KAZN: variants seen among roughly 807,000 people sequenced by gnomAD.
KAZN encodes the protein kazrin, periplakin interacting protein.
KAZN carries 40 observed loss-of-function variants against 87.4 expected under a neutral mutation model. The ratio of observed to expected loss-of-function variants is 0.46; its 90% CI spans 0.36 to 0.60. KAZN has a LOEUF of 0.60. KAZN is among the 20% of genes least tolerant of loss of function. The pLI is 0.00. For synonymous variants in KAZN, 466 were observed against 458.3 expected (o/e 1.02, Z -0.22); for missense variants, 898 against 1,073.9 (o/e 0.84, Z 2.29).
intron 1 of KAZN, among the ~76,000 whole-genome samples, chr1:14,872,869 T>C (rs933222330): frequency 1.3e-5 from 2 of 151,700 alleles, no homozygotes; most frequent in African/African-American, 4.8e-5. Flanking sequence ...GATGAATAGA[T>C]GGGTGGATGG....
At chr1:14,966,388 T>G (rs1054454697) in intron 2 of KAZN, among the ~76,000 whole-genome samples, 3 of 152,230 alleles carry the variant, frequency 2.0e-5, no homozygotes, top group Admixed American at 2.0e-4. Context: ...GGTGTCTGGC[T>G]TCATAGCAGA....
intron 1 of KAZN, among the ~76,000 whole-genome samples, chr1:14,713,045 C>T (rs1189457415): frequency 2.0e-5 from 3 of 152,142 alleles, no homozygotes; most frequent in Non-Finnish European, 4.4e-5. Flanking sequence ...ACACAATGCT[C>T]CTATGTCTGG....
chr1:14,011,880 C>T (rs987531924), intron 1 of KAZN, among the ~76,000 whole-genome samples: 5 of 152,144 alleles, frequency 3.3e-5, no homozygotes, highest in East Asian at 1.9e-4. Context: ...GATGTTCTCA[C>T]GATTACCTTG....
intron 1 of KAZN, among the ~76,000 whole-genome samples, chr1:14,839,612 G>C (rs1477754112): frequency 6.6e-6 from 1 of 152,120 alleles, no homozygotes; most frequent in South Asian, 2.1e-4. Context: ...TTGGTGCAGA[G>C]CTCATAATCT....
At chr1:14,332,286 T>G (rs1656909416) in intron 2 of KAZN, among the ~76,000 whole-genome samples, 2 of 152,158 alleles carry the variant, frequency 1.3e-5, no homozygotes, top group Admixed American at 1.3e-4. Context: ...GCAGAGTGTA[T>G]TCTCAGTATC....
chr1:14,157,715 C>T (rs1042759718), intron 1 of KAZN, among the ~76,000 whole-genome samples: 15 of 152,148 alleles, frequency 9.9e-5, no homozygotes, highest in Middle Eastern at 3.4e-3. Flanking sequence ...GTGTATTAGT[C>T]CATTTTCCCA....
At chr1:14,535,094 C>T (rs1672411414) in intron 2 of KAZN, among the ~76,000 whole-genome samples, 1 of 152,170 alleles carries the variant, frequency 6.6e-6, no homozygotes, top group Non-Finnish European at 1.5e-5. Flanking sequence ...CTTCCCATTG[C>T]TTGACTGGCC....
At position 14,820,345 on chromosome 1, in the gene KAZN, G is replaced by A. The variant is rs71629899; in HGVS notation, c.227-140339G>A. Among the ~76,000 whole-genome samples, 21 of 152,202 alleles carry A rather than the reference G, an allele frequency of 1.4e-4. No individual in the cohort carries two copies. The highest frequency in any genetic ancestry group is 2.8e-4 in the Non-Finnish European group (19 of 68,040). On this transcript the variant is annotated intron_variant, in intron 1 of 14. Transcript: ENST00000376030. This position sits in a 1 kb window ranked among gnomAD's most constrained non-coding sequence, Gnocchi z 4.1. ...TAGCCAAGTCATTGCCTCTGTTCCC[G>A]GAGCCATCTGCCAATTTCAAGTGCC...
chr1:13,928,647 T>C (rs1640376187), intron 1 of KAZN, among the ~76,000 whole-genome samples: 1 of 152,194 alleles, frequency 6.6e-6, no homozygotes, highest in East Asian at 1.9e-4. Context: ...ATTTTTGTCC[T>C]GAATAAAATA....
At chr1:14,679,110 A>G (rs972274766) in intron 1 of KAZN, among the ~76,000 whole-genome samples, 2 of 152,214 alleles carry the variant, frequency 1.3e-5, no homozygotes, top group African/African-American at 2.4e-5. Context: ...TTATTCGGGT[A>G]TGGTGAAGTC....
intron 1 of KAZN, among the ~76,000 whole-genome samples, chr1:14,020,422 C>G (rs1640770447): frequency 6.6e-6 from 1 of 152,160 alleles, no homozygotes; most frequent in Non-Finnish European, 1.5e-5. Flanking sequence ...CACTTCACCC[C>G]CATCCCTAGA....
intron 1 of KAZN, among the ~76,000 whole-genome samples, chr1:13,934,523 C>T (rs1570321613): frequency 6.6e-6 from 1 of 152,140 alleles, no homozygotes; most frequent in Non-Finnish European, 1.5e-5. Context: ...TTCACTGATA[C>T]CCAAGAAGAG....
chr1:14,491,325 T>G (rs976042484), intron 2 of KAZN, among the ~76,000 whole-genome samples: 1 of 152,230 alleles, frequency 6.6e-6, no homozygotes, highest in South Asian at 2.1e-4. Context: ...TGTTATACTT[T>G]AAGTTCTAGG....
chr1:14,172,242 A>G lies in KAZN; in HGVS notation c.92-8193A>G, dbSNP rs916079268. On this transcript the variant is annotated intron_variant, in intron 1 of 16. Coordinates refer to the KAZN transcript ENST00000636203. ...GTTCTTCATTTTTGTAATCCATCATACATTTTAAGAACAGCACTGTTTAGT... is the reference window on the plus strand; with the variant it reads ...GTTCTTCATTTTTGTAATCCATCATGCATTTTAAGAACAGCACTGTTTAGT... Among the ~76,000 whole-genome samples the G allele has an allele frequency of 5.9e-5, 9 of 152,352 alleles. No homozygotes were observed. The Middle Eastern group carries it at 0.01, about 173-fold the overall frequency.
rs1459117939 is a variant in KAZN, at chr1:14,632,336, A to G, written c.226+33113A>G. On this transcript the variant is annotated intron_variant, in intron 1 of 14. Transcript: ENST00000376030. The stretch of plus-strand genomic sequence containing the variant: ...CATGGTTGGTTTTTAAGGGAATTCA[A>G]TGGGAATCCTTTTGTATAGAGAAGA... 2.6e-5 allele frequency among the ~76,000 whole-genome samples: 4 copies of G among 152,230 alleles called. No homozygotes were observed. The East Asian group carries it at 5.8e-4, about 22-fold the overall frequency.
At chr1:14,934,780 TA>T (rs1660258969) in intron 1 of KAZN, among the ~76,000 whole-genome samples, 1 of 152,208 alleles carries the variant, frequency 6.6e-6, no homozygotes, top group Non-Finnish European at 1.5e-5. Flanking sequence ...TCCATCTAAA[TA>T]CTCAATTGCC....
chr1:15,048,974 C>T (rs1399064218), intron 4 of KAZN, among the ~76,000 whole-genome samples: 1 of 152,218 alleles, frequency 6.6e-6, no homozygotes, highest in Non-Finnish European at 1.5e-5. Flanking sequence ...TGTCTAATTC[C>T]AGAACAGTTG....
chr1:14,101,073 AAATTACCCGGTCT>A (rs1308879217), intron 1 of KAZN, among the ~76,000 whole-genome samples: 3 of 152,126 alleles, frequency 2.0e-5, no homozygotes, highest in Admixed American at 6.5e-5. Context: ...TTTCATTCGT[AAATTACCCGGTCT>A]CGGGTATTTA....
At chr1:14,145,421 G>A (rs1040179011) in intron 1 of KAZN, among the ~76,000 whole-genome samples, 6 of 151,956 alleles carry the variant, frequency 3.9e-5, no homozygotes, top group African/African-American at 1.5e-4. Context: ...TCCAGCCTGG[G>A]TGATAGAAAA....
Sources: gnomAD v4.1 joint callset for allele counts (sites outside exome capture counted in the v4.1 genomes callset) on GRCh38, gnomAD v4.1.1 for gene constraint, Gnocchi (gnomAD v3.1) non-coding constraint, MANE v1.5 for transcripts, NCBI Gene and HGNC (gene_info 2026-07-23, HGNC 2026-07-21) for gene names.